SRRM4: variants seen among roughly 807,000 people sequenced by gnomAD.
SRRM4 encodes serine/arginine repetitive matrix 4.
In SRRM4, 33 loss-of-function variants were observed where a neutral mutation model predicts 68.9. The ratio of observed to expected loss-of-function variants is 0.48; its 90% confidence interval spans 0.36 to 0.64. The LOEUF (loss-of-function observed/expected upper bound fraction) is 0.64, where lower values mean the gene tolerates loss of function less well. Ranked by LOEUF, SRRM4 falls within the 30% of genes least tolerant of loss-of-function variation. The probability of loss-of-function intolerance (pLI) is 0.00; values close to 1 mark genes in which losing one functional copy is unlikely to be tolerated. For missense variants in SRRM4, 817 were observed against 827.1 expected, an observed-to-expected ratio of 0.99 and a Z score of 0.15; for synonymous variants, 318 against 318.8, an observed-to-expected ratio of 1.00 and a Z score of 0.03.
chr12:119,125,902 C>T (rs1008323555), intron 7 of SRRM4, among the ~76,000 whole-genome samples: 1 of 149,396 alleles, frequency 6.7e-6, no homozygotes, highest in African/African-American at 2.5e-5. Flanking sequence ...GCCTGGGTGA[C>T]AGAACAAGAC....
chr12:119,014,390 AC>A (rs1422549781), intron 1 of SRRM4, among the ~76,000 whole-genome samples: 1 of 151,760 alleles, frequency 6.6e-6, no homozygotes, highest in Non-Finnish European at 1.5e-5. Context: ...CCCGATCCCC[AC>A]CCCCCACCTC....
At chr12:119,083,693 C>A (rs951363339) in intron 1 of SRRM4, among the ~76,000 whole-genome samples, 4 of 152,154 alleles carry the variant, frequency 2.6e-5, no homozygotes, top group African/African-American at 9.7e-5. Context: ...CCCAAGATGG[C>A]CAGGGACATT....
At chr12:119,108,057 T>C (rs1954117953) in intron 2 of SRRM4, among the ~76,000 whole-genome samples, 1 of 152,236 alleles carries the variant, frequency 6.6e-6, no homozygotes, top group Non-Finnish European at 1.5e-5. Flanking sequence ...TATTTCTGCC[T>C]TCATTTCGTT....
intron 1 of SRRM4, among the ~76,000 whole-genome samples, chr12:119,088,351 AC>A (rs1565905530): frequency 1.3e-5 from 2 of 151,898 alleles, no homozygotes; most frequent in African/African-American, 2.4e-5. Flanking sequence ...AAAGTCATGC[AC>A]CCCCCTCAAC....
chr12:119,046,536 A>G (rs1230127035), intron 1 of SRRM4, among the ~76,000 whole-genome samples: 1 of 149,728 alleles, frequency 6.7e-6, no homozygotes, highest in Non-Finnish European at 1.5e-5. Context: ...ATAATTTTTT[A>G]TACATGATTC....
chr12:119,104,323 C>T (rs77968001), intron 2 of SRRM4, among the ~76,000 whole-genome samples: 1,921 of 152,124 alleles, frequency 0.013, 32 homozygotes, highest in East Asian at 0.098. Flanking sequence ...TACAGCATCT[C>T]TATTGTAGAG....
intron 9 of SRRM4, among the ~76,000 whole-genome samples, chr12:119,148,540 G>A (rs1462981220): frequency 6.6e-6 from 1 of 152,216 alleles, no homozygotes; most frequent in Non-Finnish European, 1.5e-5. Context: ...TAGGTACACT[G>A]CCAAATGCTT....
chr12:119,116,931 T>C lies in SRRM4; in HGVS notation c.366-6T>C, dbSNP rs1372691928. ...CTTCTGAAATGTGTCTTCTTGGCCC[T>C]GGCAGGTCCTCATCCTATAGCCCAT... On this transcript the variant is annotated splice_region_variant and splice_polypyrimidine_tract_variant and intron_variant, in intron 3 of 12. Coordinates refer to ENST00000267260, the MANE Select transcript of SRRM4 (RefSeq NM_194286.4). 5.0e-6 allele frequency: 8 copies of C among 1,612,828 alleles called. No homozygotes were observed. Among genetic ancestry groups the C allele is most frequent in the South Asian group, 4.4e-5 (4 of 90,988 alleles).
Position 118,982,672 on chromosome 12 carries a change from T to TTATTTA in SRRM4, c.131+660_131+661insATTTAT, listed in dbSNP as rs1555212601. Reference sequence around the variant, plus strand: ...GATCTTGGAAGAGTTTTATTTTGTTTTTTTTTGTTTTTTTTTTTTTTTTCC... The same window carrying TTATTTA: ...GATCTTGGAAGAGTTTTATTTTGTTTTATTTATTTTTTGTTTTTTTTTTTTTTTTCC... On this transcript the variant is annotated intron_variant, in intron 1 of 12. Coordinates refer to ENST00000267260, the MANE Select transcript of SRRM4 (RefSeq NM_194286.4). Among the ~76,000 whole-genome samples, 110 of 78,138 alleles carry TTATTTA rather than the reference T, an allele frequency of 1.4e-3. 2 individuals carry two copies. The highest frequency in any genetic ancestry group is 5.9e-3 in the African/African-American group (109 of 18,456). The allele number at this position is 78,138 out of a possible 152,430, so 51.3% of individuals were successfully genotyped here.
intron 4 of SRRM4, among the ~76,000 whole-genome samples, chr12:119,117,382 G>A (rs916248723): frequency 2.6e-5 from 4 of 152,134 alleles, no homozygotes; most frequent in Non-Finnish European, 4.4e-5. Flanking sequence ...CCATGTTGCA[G>A]GCCAAGTTGC....
chr12:119,063,794 T>C (rs967144841), intron 1 of SRRM4, among the ~76,000 whole-genome samples: 3 of 152,028 alleles, frequency 2.0e-5, no homozygotes, highest in Non-Finnish European at 4.4e-5. Context: ...AACAATTCAG[T>C]AAATAAAGAA....
intron 1 of SRRM4, chr12:119,031,425 AG>A (rs1425846963): frequency 6.6e-6 from 1 of 152,228 alleles, no homozygotes; most frequent in African/African-American, 2.4e-5. Flanking sequence ...ATTGGTTAGA[AG>A]GAAGCTCTAG....
At chr12:119,143,559 A>G (rs1353611407) in intron 8 of SRRM4, among the ~76,000 whole-genome samples, 2 of 152,086 alleles carry the variant, frequency 1.3e-5, no homozygotes, top group African/African-American at 4.8e-5. Context: ...CAGTGGCGGG[A>G]GAATCTGGCC....
chr12:119,055,503 T>G (rs1953771125), intron 1 of SRRM4, among the ~76,000 whole-genome samples: 1 of 152,190 alleles, frequency 6.6e-6, no homozygotes, highest in Non-Finnish European at 1.5e-5. Context: ...TCTATTGGAT[T>G]TTGAAGACCT....
chr12:119,017,676 G>C (rs4767758), intron 1 of SRRM4, among the ~76,000 whole-genome samples: 42,326 of 152,120 alleles, frequency 0.28, 6,144 homozygotes, highest in Non-Finnish European at 0.31. Flanking sequence ...AGTCCATTGC[G>C]GGGGCAGTCG....
At chr12:119,144,032 A>G (rs547989189) in intron 8 of SRRM4, among the ~76,000 whole-genome samples, 1 of 152,198 alleles carries the variant, frequency 6.6e-6, no homozygotes, top group South Asian at 2.1e-4. Context: ...ACCCCTCGCC[A>G]TCCTGCTTCT....
At chr12:118,991,056 C>T (rs375267603) in intron 1 of SRRM4, among the ~76,000 whole-genome samples, 2 of 152,132 alleles carry the variant, frequency 1.3e-5, no homozygotes, top group East Asian at 1.9e-4. Context: ...CCACCCTCCT[C>T]GGCCTTCCAA....
At position 119,120,234 on chromosome 12, in the gene SRRM4, C is replaced by A. The variant is rs1308106957; in HGVS notation, c.438-16C>A. ...TTTGATTCTTCTTTTCATTTTTTTTCTTTCTTTCTTTTCAGGTCATTCTCC... is the reference window on the plus strand; with the variant it reads ...TTTGATTCTTCTTTTCATTTTTTTTATTTCTTTCTTTTCAGGTCATTCTCC... On this transcript the variant is annotated splice_polypyrimidine_tract_variant and intron_variant, in intron 4 of 12. Coordinates refer to ENST00000267260, the MANE Select transcript of SRRM4 (RefSeq NM_194286.4). 1 of 1,464,392 alleles carries A rather than the reference C, an allele frequency of 6.8e-7. No individual in the cohort carries two copies. The highest frequency in any genetic ancestry group is 9.1e-7 in the Non-Finnish European group (1 of 1,095,438). The allele number at this position is 1,464,392 out of a possible 1,614,324, so 90.7% of individuals were successfully genotyped here. A position where few individuals can be genotyped will look rare whatever the true frequency, so the allele number is the denominator to read the frequency against.
chr12:119,140,779 G>A (rs1303131696), intron 8 of SRRM4, among the ~76,000 whole-genome samples: 1 of 152,228 alleles, frequency 6.6e-6, no homozygotes, highest in East Asian at 1.9e-4. Flanking sequence ...CAGAGCCTCT[G>A]GGTGCTTTCT....
Sources: gnomAD v4.1 joint callset for allele counts (sites outside exome capture counted in the v4.1 genomes callset) on GRCh38, gnomAD v4.1.1 for gene constraint, MANE v1.5 for transcripts, NCBI Gene and HGNC (gene_info 2026-07-23, HGNC 2026-07-21) for gene names.